ARHGAP28: variants seen among roughly 807,000 people sequenced by gnomAD.
ARHGAP28 encodes rho GTPase-activating protein 28.
In ARHGAP28, 56 loss-of-function variants were observed where a neutral mutation model predicts 90.7. The observed-to-expected ratio is 0.62, with a 90% CI of 0.50 to 0.77. The LOEUF is 0.77. ARHGAP28 is among the 30% of genes least tolerant of loss of function. The pLI, the probability that ARHGAP28 is intolerant of heterozygous loss-of-function variation, is 0.00. For synonymous variants in ARHGAP28, 308 were observed against 323.3 expected (o/e 0.95, Z 0.51); for missense variants, 869 against 900.9 (o/e 0.96, Z 0.45).
chr18:6,874,324 A>G (rs1409872791), intron 9 of ARHGAP28, among the ~76,000 whole-genome samples: 1 of 152,236 alleles, frequency 6.6e-6, no homozygotes, highest in Non-Finnish European at 1.5e-5. Flanking sequence ...GGCAGATAGG[A>G]TACATTTAGA....
intron 3 of ARHGAP28, among the ~76,000 whole-genome samples, chr18:6,843,177 A>G (rs2056840593): frequency 6.6e-6 from 1 of 151,706 alleles, no homozygotes; most frequent in Admixed American, 6.6e-5. Flanking sequence ...AAATTGCTAT[A>G]TTTCCTTTTA....
At chr18:6,748,388 A>G (rs2056042113) in intron 1 of ARHGAP28, among the ~76,000 whole-genome samples, 2 of 152,190 alleles carry the variant, frequency 1.3e-5, no homozygotes, top group South Asian at 2.1e-4. Context: ...TTGAACAAGT[A>G]TAGGGCAAGT....
chr18:6,912,022 A>C, intron 17 of ARHGAP28, 38 bp from the exon 18 acceptor site: 1 of 1,401,584 alleles, frequency 7.1e-7, no homozygotes, highest in Non-Finnish European at 1.0e-6. Context: ...CACACACACA[A>C]ATGTACACTA....
chr18:6,876,898 T>A (rs2057135392), intron 10 of ARHGAP28, among the ~76,000 whole-genome samples: 1 of 152,170 alleles, frequency 6.6e-6, no homozygotes, highest in South Asian at 2.1e-4. Context: ...AAAGAAAAGC[T>A]TTTCTCATAA....
At chr18:6,735,559 T>G (rs1048535046) in intron 1 of ARHGAP28, among the ~76,000 whole-genome samples, 1 of 150,828 alleles carries the variant, frequency 6.6e-6, no homozygotes, top group Non-Finnish European at 1.5e-5. Flanking sequence ...TATGCTGTTT[T>G]TTTTTTTTTT....
chr18:6,732,752 A>G (rs1380660174), intron 1 of ARHGAP28, among the ~76,000 whole-genome samples: 2 of 152,356 alleles, frequency 1.3e-5, no homozygotes, highest in Middle Eastern at 3.4e-3. Flanking sequence ...TCAGATTGGC[A>G]GACCTTGACT....
chr18:6,909,072 A>G lies in ARHGAP28; in HGVS notation c.2095+48A>G, dbSNP rs1297908854. On this transcript the variant is annotated intron_variant, in intron 17 of 17. Transcript: ENST00000383472. ...TACTGCTAAATTCTCTGATTACTCT[A>G]AAAGAAATATGTTGCTATAATCATA... The G allele has an allele frequency of 3.8e-6, 4 of 1,045,976 alleles. No individual in the cohort carries two copies. The African/African-American group carries it at 4.8e-5, about 13-fold the overall frequency. The allele number at this position is 1,045,976 out of a possible 1,614,324, so 64.8% of individuals were successfully genotyped here. A position where few individuals can be genotyped will look rare whatever the true frequency, so the allele number is the denominator to read the frequency against.
Position 6,859,857 on chromosome 18 carries a change from A to G in ARHGAP28, c.686A>G (p.Asp229Gly), listed in dbSNP as rs754709649. The change falls in exon 5 of 18, where the codon GAT (aspartate) becomes GGT (glycine). Residue 229 changes from aspartate to glycine, a missense_variant. By Grantham distance (94) the Asp-to-Gly change is moderately conservative. Transcript: ENST00000383472. ...NSTTLSDASQ[D>G]KEGSFAVPRS... Reference sequence around the variant, plus strand: ...ACTACCCTGTCTGACGCATCCCAGGATAAAGAAGGGAGTTTTGCGGTTCCC... The same window carrying G: ...ACTACCCTGTCTGACGCATCCCAGGGTAAAGAAGGGAGTTTTGCGGTTCCC... 6.2e-7 allele frequency: 1 copy of G among 1,614,206 alleles called. No homozygotes were observed. Among genetic ancestry groups the G allele is most frequent in the Non-Finnish European group, 8.5e-7 (1 of 1,180,018 alleles).
At chr18:6,895,887 G>A (rs1348251438) in intron 15 of ARHGAP28, among the ~76,000 whole-genome samples, 27 of 152,134 alleles carry the variant, frequency 1.8e-4, no homozygotes, top group Non-Finnish European at 1.5e-5. Flanking sequence ...TGACTCTAGG[G>A]AGTCCATTTA....
Position 6,870,637 on chromosome 18 carries a change from T to C in ARHGAP28, c.859T>C (p.Ser287Pro). The C allele has an allele frequency of 6.2e-7, 1 of 1,612,994 alleles. No individual in the cohort carries two copies. Among genetic ancestry groups the C allele is most frequent in the Non-Finnish European group, 8.5e-7 (1 of 1,179,348 alleles). ...CATTCCACCAGAGGCTGAAGAGCTGTCATTTGAAGTGTCTTATTCAGAAAT... is the reference window on the plus strand; with the variant it reads ...CATTCCACCAGAGGCTGAAGAGCTGCCATTTGAAGTGTCTTATTCAGAAAT... ...KNIPPEAEELSFEVSYSEMVT... is the reference protein window; with the variant it reads ...KNIPPEAEELPFEVSYSEMVT... Residue 287 changes from serine (S) to proline (P), a missense_variant, in exon 7 of 18, where the codon TCA (serine) becomes CCA (proline). Coordinates refer to ENST00000383472, the MANE Select transcript of ARHGAP28 (RefSeq NM_001366230.1).
At chr18:6,841,180 C>CCTCTCCTCTCT (rs2056814577) in intron 3 of ARHGAP28, among the ~76,000 whole-genome samples, 2 of 57,064 alleles carry the variant, frequency 3.5e-5, no homozygotes, top group Admixed American at 1.8e-4. Flanking sequence ...CTCTCTCTCT[C>CCTCTCCTCTCT]CTCTCTCTCT....
chr18:6,895,720 G>A (rs996507178), intron 15 of ARHGAP28, among the ~76,000 whole-genome samples: 1 of 152,122 alleles, frequency 6.6e-6, no homozygotes, highest in Non-Finnish European at 1.5e-5. Flanking sequence ...ATATGTAATG[G>A]CCTCATCTTA....
At chr18:6,904,729 C>A (rs925259891) in intron 16 of ARHGAP28, among the ~76,000 whole-genome samples, 1 of 151,878 alleles carries the variant, frequency 6.6e-6, no homozygotes, top group Non-Finnish European at 1.5e-5. Flanking sequence ...TCAAGAATAT[C>A]AAAAACAGGA....
At chr18:6,730,913 T>A (rs2055875575) in intron 1 of ARHGAP28, among the ~76,000 whole-genome samples, 1 of 152,248 alleles carries the variant, frequency 6.6e-6, no homozygotes, top group South Asian at 2.1e-4. Context: ...CGATAATTAC[T>A]TCTGTTTCCT....
At chr18:6,811,886 A>G (rs2143692340) in intron 1 of ARHGAP28, among the ~76,000 whole-genome samples, 1 of 152,258 alleles carries the variant, frequency 6.6e-6, no homozygotes, top group South Asian at 2.1e-4. Flanking sequence ...TTTACCATTC[A>G]ATTAATAAAA....
intron 1 of ARHGAP28, among the ~76,000 whole-genome samples, chr18:6,811,911 T>C (rs530045769): frequency 1.3e-5 from 2 of 152,192 alleles, no homozygotes; most frequent in Non-Finnish European, 2.9e-5. Flanking sequence ...TTTTCTCAAC[T>C]ATATGATTCC....
chr18:6,845,000 A>G (rs944441346), intron 3 of ARHGAP28, among the ~76,000 whole-genome samples: 1 of 152,220 alleles, frequency 6.6e-6, no homozygotes, highest in Non-Finnish European at 1.5e-5. Context: ...ATGAGCTTAT[A>G]ATGGAAAATC....
At chr18:6,909,306 T>TTTCTTTTCTTTTC (rs1293512768) in intron 17 of ARHGAP28, among the ~76,000 whole-genome samples, 1 of 147,276 alleles carries the variant, frequency 6.8e-6, no homozygotes. Context: ...TTTTCTTTTT[T>TTTCTTTTCTTTTC]TTTTGAGACA....
intron 1 of ARHGAP28, 29 bp downstream of exon 1, chr18:6,729,972 C>T (rs937187095): frequency 7.6e-7 from 1 of 1,323,184 alleles, no homozygotes; most frequent in African/African-American, 1.5e-5. Flanking sequence ...ACCAGGGCGG[C>T]GCAGTCGCGC....
Sources: allele counts gnomAD v4.1 joint callset (sites outside exome capture counted in the v4.1 genomes callset), GRCh38; gene constraint gnomAD v4.1.1; transcripts MANE v1.5; gene names NCBI Gene and HGNC (gene_info 2026-07-23, HGNC 2026-07-21).